The following FAM234B variants were observed in gnomAD, a reference collection of about 807,000 sequenced individuals.
The protein encoded by FAM234B is protein FAM234B.
Under a neutral mutation model 69.3 loss-of-function variants are expected in FAM234B, and 33 were observed. The observed-to-expected ratio is 0.48, with a 90% confidence interval of 0.36 to 0.64. The LOEUF is 0.64. FAM234B is among the 30% of genes least tolerant of loss of function. The probability of loss-of-function intolerance (pLI) is 0.00; values close to 1 mark genes in which losing one functional copy is unlikely to be tolerated. For synonymous variants in FAM234B, 306 were observed against 306.9 expected (o/e 1.00, Z 0.03); for missense variants, 697 against 769.7 (o/e 0.91, Z 1.12).
At chr12:13,058,737 C>A (rs193033374) in intron 3 of FAM234B, among the ~76,000 whole-genome samples, 188 bp downstream of exon 3, 1 of 152,116 alleles carries the variant, frequency 6.6e-6, no homozygotes, top group African/African-American at 2.4e-5. Flanking sequence ...TCTAAGAAAT[C>A]GGAGGGAGTT....
chr12:13,079,232 G>A (rs183099936), intron 11 of FAM234B, among the ~76,000 whole-genome samples: 1,791 of 152,178 alleles, frequency 0.012, 25 homozygotes, highest in African/African-American at 0.04. Flanking sequence ...CAGAAATAAC[G>A]CTGCATACCT....
rs1283379360 is a variant in FAM234B, at chr12:13,081,364, G to A, written c.*734G>A. On this transcript the variant is annotated 3_prime_UTR_variant, in exon 13 of 13. Coordinates refer to ENST00000197268, the MANE Select transcript of FAM234B (RefSeq NM_020853.2). ...GGGAGCAAGAGGATGTAGTCTCAGT[G>A]ACCCATCTCTGACCAAGTCCACATG... The A allele has an allele frequency of 1.3e-5, 2 of 152,328 alleles. No individual in the cohort carries two copies. Among genetic ancestry groups the A allele is most frequent in the East Asian group, 3.9e-4 (2 of 5,188 alleles). The allele number at this position is 152,328 out of a possible 1,614,324, so 9.4% of individuals were successfully genotyped here.
At chr12:13,079,739 G>T in intron 11 of FAM234B, 50 bp from the exon 12 acceptor site, 1 of 1,158,922 alleles carries the variant, frequency 8.6e-7, no homozygotes. Context: ...TCTCCTGTTA[G>T]TGGACGGTAT....
At chr12:13,072,959 A>C (rs11055229) in intron 10 of FAM234B, among the ~76,000 whole-genome samples, 7,108 of 152,192 alleles carry the variant, frequency 0.047, 558 homozygotes, top group African/African-American at 0.16. Context: ...GAGCTAACTC[A>C]GAACCATAAG....
At chr12:13,051,927 A>G (rs1412234540) in intron 1 of FAM234B, among the ~76,000 whole-genome samples, 1 of 152,234 alleles carries the variant, frequency 6.6e-6, no homozygotes, top group Non-Finnish European at 1.5e-5. Context: ...TTCTCATCAC[A>G]ATCATATGAG....
At chr12:13,070,375 T>C (rs1322662032) in intron 9 of FAM234B, among the ~76,000 whole-genome samples, 1 of 151,850 alleles carries the variant, frequency 6.6e-6, no homozygotes, top group Admixed American at 6.6e-5. Context: ...GGAACTTGTG[T>C]GATGCAGAGT....
Position 13,070,172 on chromosome 12 carries a change from GAT to G in FAM234B, c.1369-1031_1369-1030del, listed in dbSNP as rs66463903. On this transcript the variant is annotated intron_variant, in intron 9 of 12. Coordinates refer to ENST00000197268, the MANE Select transcript of FAM234B (RefSeq NM_020853.2). ...AGTTAAACTATAATAATTAAAAAAA[GAT>G]ATATATATATATATATATATATATA... 8.7e-3 allele frequency among the ~76,000 whole-genome samples: 1,208 copies of G among 139,568 alleles called. 8 individuals are homozygous for G. Among genetic ancestry groups the G allele is most frequent in the African/African-American group, 0.012 (467 of 37,864 alleles). The allele number at this position is 139,568 out of a possible 152,430, so 91.6% of individuals were successfully genotyped here.
intron 11 of FAM234B, among the ~76,000 whole-genome samples, chr12:13,077,426 C>G (rs538417311): frequency 5.9e-4 from 77 of 131,478 alleles, no homozygotes; most frequent in Non-Finnish European, 1.1e-3. Flanking sequence ...CCCCCTCCCC[C>G]CCACCCCACA....
chr12:13,076,049 G>A lies in FAM234B; in HGVS notation c.1548G>A (p.Pro516=), dbSNP rs773416246. 2.9e-5 allele frequency: 47 copies of A among 1,613,866 alleles called. 1 individual carries two copies. Among genetic ancestry groups the A allele is most frequent in the Middle Eastern group, 3.3e-4 (2 of 6,082 alleles). ...AGGATATCATCCTAGGAACTGAGCC[G>A]CCCAGCCTTCACCACCTTTACCTCC... ...PNSDIILGTE[P]PSLHHLYLLH... Residue 516 remains proline (P), a synonymous_variant, in exon 11 of 13, where the codon CCG becomes CCA. Transcript: ENST00000197268.
Position 13,055,648 on chromosome 12 carries a change from A to C in FAM234B, c.135A>C (p.Gly45=). The change falls in exon 2 of 13, where the codon GGA becomes GGC. Residue 45 remains glycine (G), a synonymous_variant. Coordinates refer to ENST00000197268, the MANE Select transcript of FAM234B (RefSeq NM_020853.2). ...TGGTGCTTAACCTGCAGAAGAATGG[A>C]GGGGTCAAAAATGGGAAGAGTCCTT... ...DDLVLNLQKN[G]GVKNGKSPLG... is the part of the protein sequence containing the mutation. 1 of 1,614,194 alleles carries C rather than the reference A, an allele frequency of 6.2e-7. No homozygotes were observed. Among genetic ancestry groups the C allele is most frequent in the Non-Finnish European group, 8.5e-7 (1 of 1,180,036 alleles).
At chr12:13,052,862 A>G (rs1250480733) in intron 1 of FAM234B, among the ~76,000 whole-genome samples, 1 of 152,216 alleles carries the variant, frequency 6.6e-6, no homozygotes, top group African/African-American at 2.4e-5. Context: ...AAAACAAAAC[A>G]AGAACAAACA....
intron 8 of FAM234B, 82 bp downstream of exon 8, chr12:13,068,529 A>T: frequency 6.3e-7 from 1 of 1,590,776 alleles, no homozygotes; most frequent in Admixed American, 1.7e-5. Context: ...ATTGCTTGCA[A>T]TTCTTATATC....
chr12:13,060,397 G>A (rs140786981), intron 3 of FAM234B, among the ~76,000 whole-genome samples: 3 of 152,294 alleles, frequency 2.0e-5, no homozygotes, highest in East Asian at 1.9e-4. Flanking sequence ...ACAGACTGCC[G>A]AACAAGAGGA....
chr12:13,055,527 C>G (rs775869131), intron 1 of FAM234B, 24 bp from the exon 2 acceptor site: 1 of 1,561,322 alleles, frequency 6.4e-7, no homozygotes, highest in African/African-American at 1.4e-5. Flanking sequence ...TTCCCCTTGA[C>G]TCTCTGTTTT....
rs538842962 is a variant in FAM234B at position 13,079,779 on chromosome 12, C to T, written c.1643-10C>T. 1 of 1,588,406 alleles carries T rather than the reference C, an allele frequency of 6.3e-7. No individual in the cohort carries two copies. Among genetic ancestry groups the T allele is most frequent in the South Asian group, 1.1e-5 (1 of 90,114 alleles). On this transcript the variant is annotated splice_polypyrimidine_tract_variant and intron_variant, in intron 11 of 12. Coordinates refer to ENST00000197268, the MANE Select transcript of FAM234B (RefSeq NM_020853.2). ...CCATGTTAACTGCTCTTGTTTTTGT[C>T]CTTCCTCAGTTGGAATTAACGACCT...
chr12:13,066,924 G>C, intron 6 of FAM234B, 137 bp downstream of exon 6: 1 of 1,022,116 alleles, frequency 9.8e-7, no homozygotes, highest in Non-Finnish European at 1.4e-6. Flanking sequence ...GCCTCTTACT[G>C]TCCCCCACCG....
intron 1 of FAM234B, among the ~76,000 whole-genome samples, chr12:13,048,725 TG>T (rs1864840044): frequency 6.6e-6 from 1 of 152,250 alleles, no homozygotes; most frequent in African/African-American, 2.4e-5. Flanking sequence ...TGTGGGCCAA[TG>T]TATTAGTCTG....
intron 6 of FAM234B, 167 bp downstream of exon 6, chr12:13,066,954 G>A: frequency 1.1e-6 from 1 of 910,520 alleles, no homozygotes; most frequent in Non-Finnish European, 1.6e-6. Flanking sequence ...TATTAACTCT[G>A]CCTTCCCTTG....
chr12:13,050,552 T>A (rs185476061), intron 1 of FAM234B, among the ~76,000 whole-genome samples: 29 of 152,244 alleles, frequency 1.9e-4, no homozygotes, highest in African/African-American at 6.0e-4. Flanking sequence ...CAATTACTGG[T>A]TTGGCTATAT....
Sources: gnomAD v4.1 joint callset for allele counts (sites outside exome capture counted in the v4.1 genomes callset) on GRCh38, gnomAD v4.1.1 for gene constraint, MANE v1.5 for transcripts, NCBI Gene and HGNC (gene_info 2026-07-23, HGNC 2026-07-21) for gene names.